The following MRAP2 variants were observed in gnomAD, a reference collection of about 807,000 sequenced individuals.
MRAP2 encodes melanocortin-2 receptor accessory protein 2.
Under a neutral mutation model 17.4 loss-of-function variants are expected in MRAP2, and 20 were observed. The ratio of observed to expected loss-of-function variants is 1.15; its 90% CI spans 0.81 to 1.67. MRAP2 has a LOEUF of 1.67. Among genes scored for constraint, MRAP2 ranks in the 40% most tolerant of loss-of-function variants. The pLI is 0.00. For synonymous variants in MRAP2, 96 were observed against 88.4 expected (o/e 1.09, Z -0.48); for missense variants, 238 against 240.0 (o/e 0.99, Z 0.05).
rs6942240 is a variant in MRAP2, at chr6:84,041,557, C to G, written c.-8+7674C>G. 6.4e-3 allele frequency among the ~76,000 whole-genome samples: 980 copies of G among 152,384 alleles called. 17 individuals carry two copies. The highest frequency in any genetic ancestry group is 0.022 in the African/African-American group (917 of 41,600). On this transcript the variant is annotated intron_variant, in intron 1 of 3. Coordinates refer to ENST00000257776, the MANE Select transcript of MRAP2 (RefSeq NM_138409.4). ...GTGAAGGCGCCAGGAGGGGGCTGTACCCTACAAAGCCACAGGGGTGAAGCT... is the reference window on the plus strand; with the variant it reads ...GTGAAGGCGCCAGGAGGGGGCTGTAGCCTACAAAGCCACAGGGGTGAAGCT...
chr6:84,055,743 C>T (rs1018257970), intron 2 of MRAP2, among the ~76,000 whole-genome samples: 2 of 152,128 alleles, frequency 1.3e-5, no homozygotes, highest in Admixed American at 6.5e-5. Flanking sequence ...TTTAGCTCCT[C>T]CAAACTGTGA....
At chr6:84,141,383 G>T in the MRAP2 span, among the ~76,000 whole-genome samples, 3 of 152,172 alleles carry the variant, frequency 2.0e-5, no homozygotes, top group Admixed American at 6.5e-5. Context: ...ACAAAAGTCA[G>T]ACTAGACTTA....
chr6:84,067,451 C>A (rs529342825), intron 3 of MRAP2, among the ~76,000 whole-genome samples: 140 of 152,314 alleles, frequency 9.2e-4, no homozygotes, highest in Non-Finnish European at 1.7e-3. Flanking sequence ...TTTAAGAAAT[C>A]TCCACACTGT....
the MRAP2 span, among the ~76,000 whole-genome samples, chr6:84,132,755 T>G: frequency 6.6e-6 from 1 of 152,174 alleles, no homozygotes; most frequent in Non-Finnish European, 1.5e-5. Context: ...TACTCTTTTT[T>G]CAAGGTTTTT....
chr6:84,089,780 C>A lies in MRAP2; in HGVS notation c.*299C>A. The A allele has an allele frequency of 4.3e-5, 12 of 280,750 alleles. No individual in the cohort carries two copies. The highest frequency in any genetic ancestry group is 1.1e-3 in the Middle Eastern group (1 of 922). The allele number at this position is 280,750 out of a possible 1,614,324, so 17.4% of individuals were successfully genotyped here. A position where few individuals can be genotyped will look rare whatever the true frequency, so the allele number is the denominator to read the frequency against. ...GGACAGCTTTGAATGTGGCCCAATA[C>A]AAATTTTAAACTTTATTAAAACATG... On this transcript the variant is annotated 3_prime_UTR_variant, in exon 4 of 4. Transcript: ENST00000257776.
the MRAP2 span, among the ~76,000 whole-genome samples, chr6:84,121,872 A>T: frequency 6.1e-5 from 9 of 146,382 alleles, no homozygotes; most frequent in African/African-American, 2.5e-4. Flanking sequence ...ACAACCTAAC[A>T]TCGCACCTCA....
At chr6:84,064,528 C>T (rs771152493) in intron 3 of MRAP2, among the ~76,000 whole-genome samples, 7 of 152,104 alleles carry the variant, frequency 4.6e-5, no homozygotes, top group Non-Finnish European at 8.8e-5. Flanking sequence ...TGCTCTGTCA[C>T]CCAGGCTGGA....
intron 3 of MRAP2, among the ~76,000 whole-genome samples, chr6:84,069,378 A>C (rs774304212): frequency 5.9e-5 from 9 of 151,884 alleles, no homozygotes; most frequent in Non-Finnish European, 1.2e-4. Context: ...TTATTCTGTT[A>C]ATGTGGTGTA....
chr6:84,062,283 C>G (rs938172535), intron 2 of MRAP2: 7 of 236,292 alleles, frequency 3.0e-5, no homozygotes, highest in Non-Finnish European at 4.1e-5. Context: ...TCAGGCACTC[C>G]CAGGCAGACA....
the MRAP2 span, among the ~76,000 whole-genome samples, chr6:84,135,382 A>G: frequency 2.0e-5 from 3 of 152,230 alleles, no homozygotes; most frequent in Admixed American, 6.5e-5. Flanking sequence ...GAGAAGACAG[A>G]TATCACTGAC....
chr6:84,122,372 AAAAAG>A, the MRAP2 span, among the ~76,000 whole-genome samples: 7 of 150,850 alleles, frequency 4.6e-5, no homozygotes, highest in African/African-American at 1.7e-4. Flanking sequence ...AAAAAAAAAA[AAAAAG>A]CATCATGATC....
the MRAP2 span, among the ~76,000 whole-genome samples, chr6:84,132,240 G>A: frequency 6.6e-6 from 1 of 152,142 alleles, no homozygotes; most frequent in African/African-American, 2.4e-5. Context: ...TCCCTTTGTG[G>A]GTAAGCTGAC....
Position 84,067,735 on chromosome 6 carries a change from T to C in MRAP2, c.227+4743T>C, listed in dbSNP as rs1434043505. ...GCCCACTTTTGGATGGAATTGTTTTTTTTTTTTTTTTTCTTACTGATTTGT... is the reference window on the plus strand; with the variant it reads ...GCCCACTTTTGGATGGAATTGTTTTCTTTTTTTTTTTTCTTACTGATTTGT... On this transcript the variant is annotated intron_variant, in intron 3 of 3. Transcript: ENST00000257776. 3.8e-4 allele frequency among the ~76,000 whole-genome samples: 56 copies of C among 146,028 alleles called. No homozygotes were observed. In the East Asian group the frequency reaches 9.5e-3, roughly 25 times the overall value.
chr6:84,046,821 G>C (rs1055852933), intron 1 of MRAP2, among the ~76,000 whole-genome samples: 1 of 149,268 alleles, frequency 6.7e-6, no homozygotes, highest in Non-Finnish European at 1.5e-5. Flanking sequence ...AATTTGGGAA[G>C]TGGCTAGTGT....
At chr6:84,122,383 T>G in the MRAP2 span, among the ~76,000 whole-genome samples, 4 of 129,632 alleles carry the variant, frequency 3.1e-5, no homozygotes, top group Non-Finnish European at 6.3e-5. Flanking sequence ...AAAAGCATCA[T>G]GATCAAGTGG....
chr6:84,064,031 C>A (rs1367333581), intron 3 of MRAP2, among the ~76,000 whole-genome samples: 1 of 151,476 alleles, frequency 6.6e-6, no homozygotes, highest in Non-Finnish European at 1.5e-5. Context: ...GGCAACAGAG[C>A]CAGACTCTGT....
intron 3 of MRAP2, among the ~76,000 whole-genome samples, chr6:84,064,778 C>T (rs748937033): frequency 3.7e-4 from 57 of 152,100 alleles, no homozygotes; most frequent in Admixed American, 7.2e-4. Context: ...TGAGCCACCG[C>T]GCCGGGCCGA....
At chr6:84,055,587 C>T (rs759270773) in intron 2 of MRAP2, 142 bp downstream of exon 2, 83 of 778,968 alleles carry the variant, frequency 1.1e-4, no homozygotes, top group Non-Finnish European at 1.5e-4. Context: ...CAAAACATCT[C>T]GCCTCCACAC....
chr6:84,065,992 T>G (rs1222336151), intron 3 of MRAP2, among the ~76,000 whole-genome samples: 1 of 147,892 alleles, frequency 6.8e-6, no homozygotes, highest in Non-Finnish European at 1.5e-5. Flanking sequence ...AAAATAAAAC[T>G]CTCTCTTTAT....
Sources: gnomAD v4.1 joint callset for allele counts (sites outside exome capture counted in the v4.1 genomes callset) on GRCh38, gnomAD v4.1.1 for gene constraint, MANE v1.5 for transcripts, NCBI Gene and HGNC (gene_info 2026-07-23, HGNC 2026-07-21) for gene names.